Variants in PIK3CD observed in about 807,000 individuals in gnomAD.
PIK3CD encodes phosphatidylinositol-4,5-bisphosphate 3-kinase catalytic subunit delta, also known as phosphatidylinositol 4,5-bisphosphate 3-kinase catalytic subunit delta isoform.
A neutral mutation model predicts 122.9 loss-of-function variants in PIK3CD; 20 were observed. The observed-to-expected ratio is 0.16, with a 90% CI of 0.11 to 0.24. The LOEUF (loss-of-function observed/expected upper bound fraction) is 0.24, where lower values mean the gene tolerates loss of function less well. PIK3CD is among the 10% of genes least tolerant of loss of function. The pLI, the probability that PIK3CD is intolerant of heterozygous loss-of-function variation, is 1.00. For missense variants in PIK3CD, 787 were observed against 1,406.3 expected (o/e 0.56, Z 7.04); for synonymous variants, 596 against 593.4 (o/e 1.00, Z -0.06).
At chr1:9,670,165 A>G (rs1645281259) in intron 1 of PIK3CD, among the ~76,000 whole-genome samples, 1 of 151,868 alleles carries the variant, frequency 6.6e-6, no homozygotes, top group Non-Finnish European at 1.5e-5. Context: ...AAAAAAAAAA[A>G]AAAAAAAGTT....
Position 9,718,973 on chromosome 1 carries a change from TG to T in PIK3CD, c.1242+59del. On this transcript the variant is annotated intron_variant, in intron 9 of 23. Coordinates refer to ENST00000377346, the MANE Select transcript of PIK3CD (RefSeq NM_005026.5). This position sits in a 1 kb window ranked among gnomAD's most constrained non-coding sequence, Gnocchi z 7.2. ...ACCCCGGAGAGCCAGTACAGCCCCT[TG>T]CTGGGCCACTCACCACTCTCCTCCC... The T allele has an allele frequency of 6.6e-7, 1 of 1,507,460 alleles. No homozygotes were observed. Among genetic ancestry groups the T allele is most frequent in the Non-Finnish European group, 9.1e-7 (1 of 1,095,342 alleles). The allele number at this position is 1,507,460 out of a possible 1,614,324, so 93.4% of individuals were successfully genotyped here. A position where few individuals can be genotyped will look rare whatever the true frequency, so the allele number is the denominator to read the frequency against.
chr1:9,721,303 G>T, intron 14 of PIK3CD, 55 bp downstream of exon 14: 1 of 1,612,054 alleles, frequency 6.2e-7, no homozygotes, highest in Admixed American at 1.7e-5. Context: ...TGTCCTGGCT[G>T]CCAGGACGTG....
chr1:9,635,219 A>G, the PIK3CD span, among the ~76,000 whole-genome samples: 4 of 151,320 alleles, frequency 2.6e-5, no homozygotes, highest in African/African-American at 9.7e-5. Flanking sequence ...AGGTTGCAGT[A>G]AGCCAAGATC....
chr1:9,702,609 C>T (rs940081480), intron 2 of PIK3CD, among the ~76,000 whole-genome samples: 2 of 146,206 alleles, frequency 1.4e-5, no homozygotes, highest in Non-Finnish European at 3.0e-5. Flanking sequence ...CAAACTCCGC[C>T]TCCTGGGTTC....
intron 1 of PIK3CD, among the ~76,000 whole-genome samples, chr1:9,676,226 A>G (rs1645531902): frequency 6.6e-6 from 1 of 151,504 alleles, no homozygotes; most frequent in Admixed American, 6.6e-5. Context: ...CACCGCACCC[A>G]GCCACACCAA....
chr1:9,669,230 G>A (rs372218518), intron 1 of PIK3CD, among the ~76,000 whole-genome samples: 7 of 152,240 alleles, frequency 4.6e-5, no homozygotes, highest in African/African-American at 1.2e-4. Flanking sequence ...GTGCAGTGGA[G>A]CTATCATAGC....
chr1:9,672,019 A>AG (rs932404351), intron 1 of PIK3CD, among the ~76,000 whole-genome samples: 1 of 152,054 alleles, frequency 6.6e-6, no homozygotes, highest in Admixed American at 6.6e-5. Flanking sequence ...GCGGGTTCCC[A>AG]GGGGGAGTGG....
intron 1 of PIK3CD, among the ~76,000 whole-genome samples, chr1:9,679,625 C>G (rs994202726): frequency 6.6e-6 from 1 of 152,142 alleles, no homozygotes; most frequent in African/African-American, 2.4e-5. Flanking sequence ...AGAGCTCTCC[C>G]AGCCCTACAG....
At chr1:9,655,139 T>C (rs902739642) in intron 1 of PIK3CD, among the ~76,000 whole-genome samples, 1 of 151,432 alleles carries the variant, frequency 6.6e-6, no homozygotes, top group Admixed American at 6.6e-5. Context: ...GGGACAAGTG[T>C]GTTTTTCAGC....
At chr1:9,711,957 C>T (rs566505627) in intron 3 of PIK3CD, among the ~76,000 whole-genome samples, 11 of 150,904 alleles carry the variant, frequency 7.3e-5, no homozygotes, top group African/African-American at 2.4e-4. Flanking sequence ...AGTGCAGTGG[C>T]GCCATCTCGG....
Position 9,686,391 on chromosome 1 carries a change from G to A in PIK3CD, c.-137-5076G>A, listed in dbSNP as rs75573799. 1.7e-4 allele frequency among the ~76,000 whole-genome samples: 26 copies of A among 149,156 alleles called. No homozygotes were observed. In the East Asian group the frequency reaches 3.1e-3, roughly 18 times the overall value. ...TTTTTTTTTTTTTTTTAGTAGAGAC[G>A]AGGTCTCACTGTTTTGCCCAGGTTG... On this transcript the variant is annotated intron_variant, in intron 1 of 23. Transcript: ENST00000377346.
At chr1:9,690,267 C>T (rs1646153035) in intron 1 of PIK3CD, among the ~76,000 whole-genome samples, 1 of 152,186 alleles carries the variant, frequency 6.6e-6, no homozygotes, top group African/African-American at 2.4e-5. Context: ...TCCCTGGCCG[C>T]CCTCTTGTGG....
chr1:9,723,389 C>T lies in PIK3CD; in HGVS notation c.2594+97C>T. On this transcript the variant is annotated intron_variant, in intron 20 of 23. Transcript: ENST00000377346. This position sits in a 1 kb window ranked among gnomAD's most constrained non-coding sequence, Gnocchi z 4.9. ...AGAACAAAGGAGCGGGGAGGGGCCT[C>T]AGACCATCTTTGTGGCTACTTGGCT... 7.6e-7 allele frequency: 1 copy of T among 1,311,272 alleles called. No individual in the cohort carries two copies. The highest frequency in any genetic ancestry group is 1.2e-5 in the South Asian group (1 of 84,024). 81.2% of individuals were successfully genotyped at this position (1,311,272 alleles called of 1,614,324 possible). A position where few individuals can be genotyped will look rare whatever the true frequency, so the allele number is the denominator to read the frequency against.
At position 9,702,593 on chromosome 1, in the gene PIK3CD, C is replaced by T. The variant is rs1372198686; in HGVS notation, c.-32-7831C>T. 2.2e-5 allele frequency among the ~76,000 whole-genome samples: 3 copies of T among 135,366 alleles called. No homozygotes were observed. The East Asian group carries it at 6.4e-4, about 29-fold the overall frequency. 88.8% of individuals were successfully genotyped at this position (135,366 alleles called of 152,430 possible). ...TGGAGTGCAGTGGCGCCATCTCGGCCCACTGCAAACTCCGCCTCCTGGGTT... is the reference window on the plus strand; with the variant it reads ...TGGAGTGCAGTGGCGCCATCTCGGCTCACTGCAAACTCCGCCTCCTGGGTT... On this transcript the variant is annotated intron_variant, in intron 2 of 23. Coordinates refer to ENST00000377346, the MANE Select transcript of PIK3CD (RefSeq NM_005026.5).
intron 3 of PIK3CD, among the ~76,000 whole-genome samples, chr1:9,712,850 A>G (rs1283493087): frequency 6.6e-6 from 1 of 151,816 alleles, no homozygotes; most frequent in Non-Finnish European, 1.5e-5. Flanking sequence ...AGCCTGGGTA[A>G]CATGACAAAA....
At chr1:9,634,111 A>G in the PIK3CD span, among the ~76,000 whole-genome samples, 1 of 146,886 alleles carries the variant, frequency 6.8e-6, no homozygotes, top group African/African-American at 2.5e-5. Context: ...AACTGGGACC[A>G]CAGGTGTGTG....
chr1:9,674,319 T>C (rs1645431722), intron 1 of PIK3CD, among the ~76,000 whole-genome samples: 1 of 152,132 alleles, frequency 6.6e-6, no homozygotes, highest in Admixed American at 6.5e-5. Context: ...GCCGTTTCTG[T>C]ATCTAATAAC....
At position 9,654,035 on chromosome 1, in the gene PIK3CD, C is replaced by T. The variant is rs901819486; in HGVS notation, c.-138+2233C>T. 23 of 1,261,838 alleles carry T rather than the reference C, an allele frequency of 1.8e-5. No homozygotes were observed. In the Admixed American group the frequency reaches 3.0e-4, roughly 16 times the overall value. The allele number at this position is 1,261,838 out of a possible 1,614,324, so 78.2% of individuals were successfully genotyped here. A position where few individuals can be genotyped will look rare whatever the true frequency, so the allele number is the denominator to read the frequency against. On this transcript the variant is annotated intron_variant, in intron 1 of 23. Transcript: ENST00000377346. ...GCAGTAAGCTATTACAGTGCCACTG[C>T]GCTCCAGCCTGGGTGACAGAGCAAG...
chr1:9,705,678 C>T (rs919342774), intron 2 of PIK3CD, among the ~76,000 whole-genome samples: 1 of 152,118 alleles, frequency 6.6e-6, no homozygotes, highest in African/African-American at 2.4e-5. Flanking sequence ...AGTAACCCCA[C>T]AGGAAAATGG....
Sources: gnomAD v4.1 joint callset for allele counts (sites outside exome capture counted in the v4.1 genomes callset) on GRCh38, gnomAD v4.1.1 for gene constraint, Gnocchi (gnomAD v3.1) non-coding constraint, MANE v1.5 for transcripts, NCBI Gene and HGNC (gene_info 2026-07-23, HGNC 2026-07-21) for gene names.